CC2D1B: variants seen among roughly 807,000 people sequenced by gnomAD.
The protein encoded by CC2D1B is coiled-coil and C2 domain-containing protein 1B.
CC2D1B carries 92 observed loss-of-function variants against 110.8 expected under a neutral mutation model. The ratio of observed to expected loss-of-function variants is 0.83; its 90% CI spans 0.70 to 0.99. The LOEUF is 0.99. Among genes scored for constraint, CC2D1B ranks in the 50% least tolerant of loss-of-function variants. The probability of loss-of-function intolerance (pLI) is 0.00; values close to 1 mark genes in which losing one functional copy is unlikely to be tolerated. For missense variants in CC2D1B, 1,136 were observed against 1,089.0 expected, an observed-to-expected ratio of 1.04 and a Z score of -0.61; for synonymous variants, 406 against 429.2, an observed-to-expected ratio of 0.95 and a Z score of 0.67.
intron 14 of CC2D1B, 41 bp from the exon 15 acceptor site, chr1:52,357,739 C>A: frequency 6.2e-7 from 1 of 1,606,452 alleles, no homozygotes; most frequent in Non-Finnish European, 8.5e-7. Flanking sequence ...CACCTGCCCT[C>A]TCTAGGCCCT....
rs765335280 is a variant in CC2D1B, at chr1:52,360,566, T to G, written c.478-17A>C. ...TGCTCCGGCCTATGAACAATTCAGC[T>G]AAGGGCCTGGCCACTCCAGGGCCTG... On this transcript the variant is annotated splice_polypyrimidine_tract_variant and intron_variant, in intron 5 of 24. Transcript: ENST00000284376. 2.5e-6 allele frequency: 4 copies of G among 1,612,414 alleles called. No homozygotes were observed. The highest frequency in any genetic ancestry group is 3.4e-6 in the Non-Finnish European group (4 of 1,179,314).
Position 52,353,660 on chromosome 1 carries a change from C to T in CC2D1B, c.2431-13G>A. 3 of 1,577,912 alleles carry T rather than the reference C, an allele frequency of 1.9e-6. No homozygotes were observed. Among genetic ancestry groups the T allele is most frequent in the Non-Finnish European group, 2.6e-6 (3 of 1,161,008 alleles). On this transcript the variant is annotated splice_polypyrimidine_tract_variant and intron_variant, in intron 23 of 24. Transcript: ENST00000284376. ...TTCCATCCAGGACCTGTGAGGACCA[C>T]AGAGAGGGAAATGGTAACTAAGGGG...
chr1:52,362,538 C>T (rs1305617987), intron 3 of CC2D1B, 64 bp downstream of exon 3: 8 of 1,593,036 alleles, frequency 5.0e-6, no homozygotes, highest in Non-Finnish European at 6.9e-6. Context: ...CAAGGGAACC[C>T]CTCTACCACC....
chr1:52,356,736 GATAAATAC>G lies in CC2D1B; in HGVS notation c.1878+257_1878+264del, dbSNP rs1646661164. The G allele has an allele frequency of 1.0e-5, 6 of 599,396 alleles. No individual in the cohort carries two copies. The South Asian group carries it at 1.3e-4, about 13-fold the overall frequency. The allele number at this position is 599,396 out of a possible 1,614,324, so 37.1% of individuals were successfully genotyped here. ...TCCAGAACAGGTGGCAGTTCAGATA[GATAAATAC>G]ATAAACATACACGCACATCACAATG... is the stretch of plus-strand genomic sequence containing the variant. On this transcript the variant is annotated intron_variant, in intron 16 of 24. Coordinates refer to ENST00000284376, the MANE Select transcript of CC2D1B (RefSeq NM_001330585.2).
At position 52,358,780 on chromosome 1, in the gene CC2D1B, G is replaced by A. The variant is rs759439419; in HGVS notation, c.1258-22C>T. The A allele has an allele frequency of 4.4e-6, 7 of 1,594,834 alleles. No homozygotes were observed. The African/African-American group carries it at 6.8e-5, about 16-fold the overall frequency. ...ATTGCTGCAAGGGAAGGAAGGGAGG[G>A]GCCTGTGGTCGGCAGCAGCCCACAG... On this transcript the variant is annotated intron_variant, in intron 11 of 24. Transcript: ENST00000284376.
In CC2D1B at chr1:52,357,685, C is replaced by T; in HGVS notation, c.1593G>A (p.Leu531=). 1 of 1,605,648 alleles carries T rather than the reference C, an allele frequency of 6.2e-7. No homozygotes were observed. ...ESPSPSVREQ[L]ALLEARKLQY... ...GCAGTTTCCGTGCCTCCAGCAGTGCCAGCTGCTCCCGCACTGAAGGGAGAA... is the reference window on the plus strand; with the variant it reads ...GCAGTTTCCGTGCCTCCAGCAGTGCTAGCTGCTCCCGCACTGAAGGGAGAA... Residue 531 remains leucine, a synonymous_variant, in exon 15 of 25, where the codon CTG becomes CTA. Coordinates refer to ENST00000284376, the MANE Select transcript of CC2D1B (RefSeq NM_001330585.2).
intron 2 of CC2D1B, 139 bp downstream of exon 2, chr1:52,364,413 A>G: frequency 2.0e-6 from 1 of 508,864 alleles, no homozygotes; most frequent in East Asian, 3.0e-5. Context: ...AGGGTGTCTA[A>G]GGGCTCTGCC....
At position 52,353,657 on chromosome 1, in the gene CC2D1B, C is replaced by T; in HGVS notation, c.2431-10G>A. 1 of 1,581,644 alleles carries T rather than the reference C, an allele frequency of 6.3e-7. No individual in the cohort carries two copies. Among genetic ancestry groups the T allele is most frequent in the Non-Finnish European group, 8.6e-7 (1 of 1,163,018 alleles). ...TCCTTCCATCCAGGACCTGTGAGGA[C>T]CACAGAGAGGGAAATGGTAACTAAG... is the stretch of plus-strand genomic sequence containing the variant. On this transcript the variant is annotated splice_polypyrimidine_tract_variant and intron_variant, in intron 23 of 24. Transcript: ENST00000284376.
At chr1:52,364,297 AC>A (rs1206044383) in intron 2 of CC2D1B, among the ~76,000 whole-genome samples, 1 of 152,064 alleles carries the variant, frequency 6.6e-6, no homozygotes, top group East Asian at 1.9e-4. Context: ...CAAAGTTGTG[AC>A]CCTATCTAAG....
rs1307811003 is a variant in CC2D1B, at chr1:52,359,922, G to T, written c.764-39C>A. 11 of 1,590,374 alleles carry T rather than the reference G, an allele frequency of 6.9e-6. No individual in the cohort carries two copies. The Admixed American group carries it at 1.9e-4, about 28-fold the overall frequency. Reference sequence around the variant, plus strand: ...AACAGTCCCCAGAGAGCACATGAGGGTCACAGAAGAAGGTGCCCACGGACT... The same window carrying T: ...AACAGTCCCCAGAGAGCACATGAGGTTCACAGAAGAAGGTGCCCACGGACT... On this transcript the variant is annotated intron_variant, in intron 7 of 24. Coordinates refer to ENST00000284376, the MANE Select transcript of CC2D1B (RefSeq NM_001330585.2).
Position 52,357,390 on chromosome 1 carries a change from G to A in CC2D1B, c.1752+136C>T, listed in dbSNP as rs533102014. Reference sequence around the variant, plus strand: ...GTGAGGTAGAGGAGTATGAGCAAAAGGCTCTTTCCCAGCTGTCATCATGCT... The same window carrying A: ...GTGAGGTAGAGGAGTATGAGCAAAAAGCTCTTTCCCAGCTGTCATCATGCT... On this transcript the variant is annotated intron_variant, in intron 15 of 24. Coordinates refer to ENST00000284376, the MANE Select transcript of CC2D1B (RefSeq NM_001330585.2). 1.4e-4 allele frequency: 139 copies of A among 1,026,736 alleles called. 4 individuals are homozygous for A. The South Asian group carries it at 2.2e-3, about 16-fold the overall frequency. 63.6% of individuals were successfully genotyped at this position (1,026,736 alleles called of 1,614,324 possible).
At chr1:52,353,246 A>G (rs546309617) in intron 24 of CC2D1B, 23 bp from the exon 25 acceptor site, 2 of 1,399,126 alleles carry the variant, frequency 1.4e-6, no homozygotes, top group African/African-American at 2.9e-5. Flanking sequence ...GCAAAGCACA[A>G]GAAGTCAGTC....
rs757083377 is a variant in CC2D1B at position 52,360,238 on chromosome 1, G to C, written c.604-5C>G. ...GGCTAGCTGCGACTCCAAGGTCTGA[G>C]GGAGAGAACTGGTCCAGAAACCCAG... On this transcript the variant is annotated splice_region_variant and splice_polypyrimidine_tract_variant and intron_variant, in intron 6 of 24. Coordinates refer to ENST00000284376, the MANE Select transcript of CC2D1B (RefSeq NM_001330585.2). The C allele has an allele frequency of 6.2e-7, 1 of 1,613,854 alleles. No individual in the cohort carries two copies. Among genetic ancestry groups the C allele is most frequent in the Non-Finnish European group, 8.5e-7 (1 of 1,179,930 alleles).
rs752090207 is a variant in CC2D1B at position 52,361,581 on chromosome 1, C to T, written c.250G>A (p.Ala84Thr). The T allele has an allele frequency of 8.7e-6, 14 of 1,613,908 alleles. No individual in the cohort carries two copies. In the Admixed American group the frequency reaches 2.2e-4, roughly 25 times the overall value. ...TCCTCCACATCCCGCATACAGTCTGCCGCCAACTTCTCGATGTGGGCCATG... is the reference window on the plus strand; with the variant it reads ...TCCTCCACATCCCGCATACAGTCTGTCGCCAACTTCTCGATGTGGGCCATG... The part of the protein sequence containing the change: ...LPMAHIEKLA[A>T]DCMRDVEEEE... The change falls in exon 4 of 25, where the codon GCA (alanine) becomes ACA (threonine). Residue 84 changes from alanine to threonine, a missense_variant. Transcript: ENST00000284376.
Position 52,355,772 on chromosome 1 carries a change from TGGA to T in CC2D1B, c.2124_2126del (p.Pro709del), listed in dbSNP as rs928143826. On this transcript the variant is annotated inframe_deletion and splice_region_variant, in exon 19 of 25. Coordinates refer to ENST00000284376, the MANE Select transcript of CC2D1B (RefSeq NM_001330585.2). ...GAGTAGGGGCGGCCCTAGGGTTACC[TGGA>T]GGGGCTGGGAGGTTCATTCCCCGGA... 3.1e-6 allele frequency: 5 copies of T among 1,613,880 alleles called. No individual in the cohort carries two copies. The highest frequency in any genetic ancestry group is 4.2e-6 in the Non-Finnish European group (5 of 1,179,936).
intron 15 of CC2D1B, 173 bp from the exon 16 acceptor site, chr1:52,357,299 G>A (rs770440351): frequency 2.1e-6 from 2 of 938,574 alleles, no homozygotes; most frequent in Non-Finnish European, 3.2e-6. Flanking sequence ...CCCATGGCCT[G>A]GCCCAGCCTT....
Position 52,357,717 on chromosome 1 carries a change from T to C in CC2D1B, c.1580-19A>G. On this transcript the variant is annotated intron_variant, in intron 14 of 24. Transcript: ENST00000284376. ...TCCCGCACTGAAGGGAGAAGGCCAC[T>C]GGTTAGGGCCACACCTGCCCTCTCT... 1 of 1,610,648 alleles carries C rather than the reference T, an allele frequency of 6.2e-7. No homozygotes were observed. Among genetic ancestry groups the C allele is most frequent in the Non-Finnish European group, 8.5e-7 (1 of 1,178,422 alleles).
chr1:52,360,662 G>C, intron 5 of CC2D1B, 113 bp from the exon 6 acceptor site: 1 of 1,454,216 alleles, frequency 6.9e-7, no homozygotes, highest in Non-Finnish European at 9.3e-7. Context: ...GGAGAAAGAA[G>C]AGCCTAAAAG....
intron 20 of CC2D1B, 28 bp from the exon 21 acceptor site, chr1:52,355,477 A>G (rs573524481): frequency 6.8e-6 from 11 of 1,613,898 alleles, no homozygotes; most frequent in Non-Finnish European, 9.3e-6. Flanking sequence ...AGAAGTCAGG[A>G]CAGCGTATAA....
Sources: gnomAD v4.1 joint callset for allele counts (sites outside exome capture counted in the v4.1 genomes callset) on GRCh38, gnomAD v4.1.1 for gene constraint, MANE v1.5 for transcripts, NCBI Gene and HGNC (gene_info 2026-07-23, HGNC 2026-07-21) for gene names.